The following OTOG variants were observed in gnomAD, a reference collection of about 807,000 sequenced individuals.
OTOG encodes the protein otogelin.
A neutral mutation model predicts 313.8 loss-of-function variants in OTOG; 296 were observed. That is an observed-to-expected ratio of 0.94 (90% CI 0.86 to 1.04). The LOEUF is 1.04. Ranked by LOEUF, OTOG falls within the 50% of genes least tolerant of loss-of-function variation. The probability of loss-of-function intolerance (pLI) is 0.00; values close to 1 mark genes in which losing one functional copy is unlikely to be tolerated. For synonymous variants in OTOG, 1,533 were observed against 1,554.9 expected, an observed-to-expected ratio of 0.99 and a Z score of 0.33; for missense variants, 3,948 against 3,840.1, an observed-to-expected ratio of 1.03 and a Z score of -0.74.
Position 17,632,307 on chromosome 11 carries a change from C to T in OTOG, c.7072+81C>T, listed in dbSNP as rs1045216352. The T allele has an allele frequency of 4.9e-6, 7 of 1,421,194 alleles. No homozygotes were observed. In the Middle Eastern group the frequency reaches 6.3e-4, roughly 128 times the overall value. 88.0% of individuals were successfully genotyped at this position (1,421,194 alleles called of 1,614,324 possible). The stretch of plus-strand genomic sequence containing the variant: ...TAAAGTGGGAAAAGGCTCCCGGCCC[C>T]AAGTTCATGTATGCTTTCCCAGCTT... On this transcript the variant is annotated intron_variant, in intron 42 of 55. Transcript: ENST00000399397.
At position 17,610,366 on chromosome 11, in the gene OTOG, G is replaced by A. The variant is rs1853500263; in HGVS notation, c.5066G>A (p.Ser1689Asn). The stretch of plus-strand genomic sequence containing the variant: ...GTCCCCCAGCCCACCCAGGCCCAGA[G>A]TGCTTCAAGTCCCAGCACCCCTCTA... ...TGVPQPTQAQSASSPSTPLTV... is the reference protein window; with the variant it reads ...TGVPQPTQAQNASSPSTPLTV... The change falls in exon 36 of 56, where the codon AGT becomes AAT. Residue 1689 changes from serine (S) to asparagine (N), a missense_variant. Ser to Asn is a conservative substitution (Grantham distance 46). Coordinates refer to ENST00000399397, the MANE Select transcript of OTOG (RefSeq NM_001292063.2). The A allele has an allele frequency of 1.3e-6, 2 of 1,550,686 alleles. No homozygotes were observed. Among genetic ancestry groups the A allele is most frequent in the Non-Finnish European group, 1.7e-6 (2 of 1,147,000 alleles).
At chr11:17,605,548 G>A (rs1853360490) in intron 32 of OTOG, among the ~76,000 whole-genome samples, 1 of 152,174 alleles carries the variant, frequency 6.6e-6, no homozygotes, top group African/African-American at 2.4e-5. Context: ...ACTCAAACAT[G>A]TTTGCAGAAG....
intron 38 of OTOG, among the ~76,000 whole-genome samples, chr11:17,613,190 C>CTTTCT (rs1354465804): frequency 3.8e-4 from 37 of 98,240 alleles, no homozygotes; most frequent in African/African-American, 1.1e-3. Context: ...TTCTTTCTTT[C>CTTTCT]TTTCTTTTCT....
Position 17,561,756 on chromosome 11 carries a change from C to T in OTOG, c.1593C>T (p.Ser531=), listed in dbSNP as rs1166296640. Residue 531 remains serine (S), a synonymous_variant, in exon 15 of 56, where the codon AGC becomes AGT. Transcript: ENST00000399397. ...CATGTCAGTACATCCTGGCCAAGAGCCGCTCTTCGGGCACCTTCACCGTGA... is the reference window on the plus strand; with the variant it reads ...CATGTCAGTACATCCTGGCCAAGAGTCGCTCTTCGGGCACCTTCACCGTGA... ...PATCQYILAK[S]RSSGTFTVTL... is the part of the protein sequence containing the mutation. 2 of 1,550,532 alleles carry T rather than the reference C, an allele frequency of 1.3e-6. No individual in the cohort carries two copies. The highest frequency in any genetic ancestry group is 3.9e-5 in the Admixed American group (2 of 50,986).
chr11:17,561,146 G>GC lies in OTOG; in HGVS notation c.1498+15dup, dbSNP rs1323413921. 5.2e-6 allele frequency: 8 copies of GC among 1,550,400 alleles called. No individual in the cohort carries two copies. The highest frequency in any genetic ancestry group is 7.0e-6 in the Non-Finnish European group (8 of 1,146,952). On this transcript the variant is annotated intron_variant, in intron 14 of 55. Coordinates refer to ENST00000399397, the MANE Select transcript of OTOG (RefSeq NM_001292063.2). The stretch of plus-strand genomic sequence containing the variant: ...CACAGCTGTCTGCCCAGGTATGTCT[G>GC]CCCCCCACCTTGCACTAGGATCCCT...
At chr11:17,606,696 G>A (rs775544973) in intron 33 of OTOG, among the ~76,000 whole-genome samples, 2 of 152,306 alleles carry the variant, frequency 1.3e-5, no homozygotes, top group African/African-American at 2.4e-5. Flanking sequence ...TGGAGAAGGC[G>A]ATCATAATTT....
chr11:17,620,571 C>T (rs1405369030), intron 39 of OTOG, among the ~76,000 whole-genome samples: 2 of 152,168 alleles, frequency 1.3e-5, no homozygotes, highest in African/African-American at 4.8e-5. Flanking sequence ...TTTTATCTTG[C>T]TTATTTCTGG....
At chr11:17,636,063 G>A (rs1311809693) in intron 47 of OTOG, among the ~76,000 whole-genome samples, 3 of 152,292 alleles carry the variant, frequency 2.0e-5, no homozygotes, top group East Asian at 1.9e-4. Context: ...GGTCCCTTTC[G>A]CCACTGTGTC....
chr11:17,626,339 C>A (rs1405493373), intron 39 of OTOG, among the ~76,000 whole-genome samples: 1 of 152,120 alleles, frequency 6.6e-6, no homozygotes, highest in Non-Finnish European at 1.5e-5. Context: ...TCACACCTGG[C>A]TAATTTTTGT....
At chr11:17,603,694 G>T (rs1281990245) in intron 32 of OTOG, among the ~76,000 whole-genome samples, 1 of 152,204 alleles carries the variant, frequency 6.6e-6, no homozygotes, top group African/African-American at 2.4e-5. Context: ...ACCTAGGGTG[G>T]CTGCATGGAG....
intron 23 of OTOG, among the ~76,000 whole-genome samples, chr11:17,580,894 A>G (rs1003493103): frequency 8.5e-5 from 13 of 152,196 alleles, no homozygotes; most frequent in African/African-American, 2.7e-4. Flanking sequence ...GTAGTGAATT[A>G]AGCATGTGCT....
intron 54 of OTOG, among the ~76,000 whole-genome samples, 161 bp downstream of exon 54, chr11:17,643,667 G>A (rs1848018508): frequency 6.6e-6 from 1 of 152,230 alleles, no homozygotes; most frequent in Non-Finnish European, 1.5e-5. Flanking sequence ...AGGGCTCACG[G>A]CACTGACGCA....
chr11:17,640,629 C>T (rs1847948083), intron 49 of OTOG, 116 bp from the exon 50 acceptor site: 3 of 1,131,258 alleles, frequency 2.7e-6, no homozygotes, highest in African/African-American at 3.1e-5. Context: ...CCTGCCAGCC[C>T]CCCTCCTGCC....
chr11:17,621,065 G>A (rs11822243), intron 39 of OTOG, among the ~76,000 whole-genome samples: 2,621 of 152,222 alleles, frequency 0.017, 79 homozygotes, highest in African/African-American at 0.059. Context: ...TACCGTGTGT[G>A]TCATTTCTCA....
intron 15 of OTOG, among the ~76,000 whole-genome samples, chr11:17,565,788 T>C (rs78079024): frequency 0.028 from 4,302 of 152,300 alleles, 115 homozygotes; most frequent in East Asian, 0.087. Flanking sequence ...TGTGTCCCTT[T>C]GACATACCTT....
Position 17,574,704 on chromosome 11 carries a change from T to A in OTOG, c.2294-16T>A. The A allele has an allele frequency of 6.5e-7, 1 of 1,545,548 alleles. No individual in the cohort carries two copies. Among genetic ancestry groups the A allele is most frequent in the Non-Finnish European group, 8.7e-7 (1 of 1,144,236 alleles). On this transcript the variant is annotated splice_polypyrimidine_tract_variant and intron_variant, in intron 19 of 55. Transcript: ENST00000399397. ...ATGAGGGAGACAAAGCATGCACCAC[T>A]CCCCCCTCACTGCAGCACTGTCCTG...
intron 3 of OTOG, among the ~76,000 whole-genome samples, chr11:17,550,840 G>A (rs576124475): frequency 2.0e-5 from 3 of 152,346 alleles, no homozygotes; most frequent in African/African-American, 4.8e-5. Flanking sequence ...GGCCAAAGTA[G>A]GTGAGGACAC....
At chr11:17,609,101 C>G in intron 34 of OTOG, 29 bp from the exon 35 acceptor site, 1 of 1,536,896 alleles carries the variant, frequency 6.5e-7, no homozygotes, top group Non-Finnish European at 8.8e-7. Context: ...TATTTCAGGC[C>G]TTTAAACTGC....
intron 53 of OTOG, among the ~76,000 whole-genome samples, chr11:17,642,826 A>G (rs1848003114): frequency 6.6e-6 from 1 of 152,178 alleles, no homozygotes; most frequent in South Asian, 2.1e-4. Context: ...GAAAACAAAT[A>G]TACACAGACA....
Sources: gnomAD v4.1 joint callset for allele counts (sites outside exome capture counted in the v4.1 genomes callset) on GRCh38, gnomAD v4.1.1 for gene constraint, MANE v1.5 for transcripts, NCBI Gene and HGNC (gene_info 2026-07-23, HGNC 2026-07-21) for gene names.